DLG2: variants seen among roughly 807,000 people sequenced by gnomAD.
DLG2 encodes the protein discs large MAGUK scaffold protein 2.
In DLG2, 45 loss-of-function variants were observed where a neutral mutation model predicts 132.5. That is an observed-to-expected ratio of 0.34 (90% confidence interval 0.27 to 0.44). The LOEUF (loss-of-function observed/expected upper bound fraction) is 0.44, where lower values mean the gene tolerates loss of function less well. Among genes scored for constraint, DLG2 ranks in the 20% least tolerant of loss-of-function variants. The probability of loss-of-function intolerance (pLI) is 1.00; values close to 1 mark genes in which losing one functional copy is unlikely to be tolerated. For synonymous variants in DLG2, 424 were observed against 419.6 expected, an observed-to-expected ratio of 1.01 and a Z score of -0.13; for missense variants, 1,045 against 1,196.9, an observed-to-expected ratio of 0.87 and a Z score of 1.87.
intron 3 of DLG2, among the ~76,000 whole-genome samples, chr11:85,353,022 A>G (rs566740221): frequency 3.3e-5 from 5 of 152,358 alleles, no homozygotes; most frequent in Non-Finnish European, 1.5e-5. Flanking sequence ...CTGCACAGCA[A>G]AAGAAGCTAC....
At chr11:83,540,095 G>A (rs1012055162) in intron 20 of DLG2, among the ~76,000 whole-genome samples, 3 of 152,046 alleles carry the variant, frequency 2.0e-5, no homozygotes, top group Admixed American at 1.3e-4. Context: ...ATCTATTTCC[G>A]CATAGCTTTC....
intron 6 of DLG2, among the ~76,000 whole-genome samples, chr11:84,731,999 T>C (rs2063212508): frequency 1.3e-5 from 2 of 152,026 alleles, no homozygotes; most frequent in African/African-American, 4.8e-5. Context: ...AAGATTTATT[T>C]GCATTTTCAA....
At chr11:84,550,444 G>GA (rs915351879) in intron 6 of DLG2, among the ~76,000 whole-genome samples, 7 of 151,412 alleles carry the variant, frequency 4.6e-5, no homozygotes, top group South Asian at 2.1e-4. Context: ...AGCAGGCAGA[G>GA]AAAAAAAAAG....
At chr11:85,144,040 A>G (rs1375599566) in intron 5 of DLG2, among the ~76,000 whole-genome samples, 2 of 151,886 alleles carry the variant, frequency 1.3e-5, no homozygotes, top group Non-Finnish European at 2.9e-5. Flanking sequence ...CTCTCCAGCT[A>G]GTATTGTATT....
At chr11:84,996,557 T>C (rs2057669189) in intron 6 of DLG2, among the ~76,000 whole-genome samples, 1 of 152,170 alleles carries the variant, frequency 6.6e-6, no homozygotes, top group Admixed American at 6.6e-5. Flanking sequence ...AGAGACTGTA[T>C]TTTTTTGCTA....
intron 6 of DLG2, among the ~76,000 whole-genome samples, chr11:84,777,917 G>A (rs1045775005): frequency 3.9e-5 from 6 of 152,156 alleles, no homozygotes; most frequent in Non-Finnish European, 8.8e-5. Flanking sequence ...TGTTCACTCT[G>A]TCAATTATTT....
At chr11:85,005,736 T>A (rs990734964) in intron 6 of DLG2, among the ~76,000 whole-genome samples, 1 of 152,198 alleles carries the variant, frequency 6.6e-6, no homozygotes, top group Non-Finnish European at 1.5e-5. Context: ...CTTGCCTGAT[T>A]GCCCTGGCCA....
intron 6 of DLG2, among the ~76,000 whole-genome samples, chr11:84,593,218 A>G (rs1286530821): frequency 6.6e-6 from 1 of 152,128 alleles, no homozygotes; most frequent in Non-Finnish European, 1.5e-5. Flanking sequence ...TAGTTCAAAC[A>G]TTGTGGAAGA....
At chr11:84,425,064 T>C (rs1003609409) in intron 7 of DLG2, among the ~76,000 whole-genome samples, 1 of 152,122 alleles carries the variant, frequency 6.6e-6, no homozygotes, top group South Asian at 2.1e-4. Context: ...ATAGGGACCA[T>C]AGCTGGATCA....
At chr11:84,672,736 T>C (rs573626112) in intron 6 of DLG2, among the ~76,000 whole-genome samples, 2 of 152,258 alleles carry the variant, frequency 1.3e-5, no homozygotes, top group South Asian at 4.1e-4. Context: ...GTTAAAGTTT[T>C]AGCAGCTCTC....
chr11:84,388,036 C>T (rs189067724), intron 7 of DLG2, among the ~76,000 whole-genome samples: 201 of 152,300 alleles, frequency 1.3e-3, no homozygotes, highest in African/African-American at 4.6e-3. Flanking sequence ...AATGCTCCCC[C>T]TTTTCTATCA....
intron 4 of DLG2, among the ~76,000 whole-genome samples, chr11:85,214,882 T>A (rs900864288): frequency 5.3e-5 from 8 of 152,214 alleles, no homozygotes; most frequent in African/African-American, 1.9e-4. Context: ...CTCTGAATGA[T>A]AAATCTTTTA....
At chr11:84,589,197 G>C (rs1176573036) in intron 6 of DLG2, among the ~76,000 whole-genome samples, 2 of 152,160 alleles carry the variant, frequency 1.3e-5, no homozygotes, top group Non-Finnish European at 2.9e-5. Context: ...GAGGCTGCAG[G>C]AGCTTGAGAT....
rs373559885 is a variant in DLG2 at position 84,334,617 on chromosome 11, CA to C, written c.520-83327del. On this transcript the variant is annotated intron_variant, in intron 7 of 27. Coordinates refer to ENST00000376104, the MANE Select transcript of DLG2 (RefSeq NM_001142699.3). ...AACAATTTGGGTGTATTCATTTGTT[CA>C]ACAAATATTAATTGCATACCTACTA... 8.7e-4 allele frequency among the ~76,000 whole-genome samples: 133 copies of C among 152,256 alleles called. 2 individuals are homozygous for C. Among genetic ancestry groups the C allele is most frequent in the African/African-American group, 2.7e-3 (114 of 41,558 alleles).
chr11:83,769,462 C>T (rs1450788953), intron 18 of DLG2, among the ~76,000 whole-genome samples: 4 of 151,948 alleles, frequency 2.6e-5, no homozygotes, highest in Non-Finnish European at 5.9e-5. Context: ...AAGGCAACAA[C>T]ACAAGATGCT....
At chr11:84,200,596 ATTTG>A (rs2096579325) in intron 8 of DLG2, among the ~76,000 whole-genome samples, 1 of 152,034 alleles carries the variant, frequency 6.6e-6, no homozygotes, top group African/African-American at 2.4e-5. Context: ...TGTTTTTTCC[ATTTG>A]TTTGTGTACT....
At chr11:84,453,839 A>G (rs2099058129) in intron 7 of DLG2, among the ~76,000 whole-genome samples, 1 of 151,628 alleles carries the variant, frequency 6.6e-6, no homozygotes, top group South Asian at 2.1e-4. Context: ...TGCCTATCAT[A>G]TGGTCTCTGT....
At chr11:85,591,704 T>G (rs1421612878) in intron 3 of DLG2, among the ~76,000 whole-genome samples, 6 of 152,182 alleles carry the variant, frequency 3.9e-5, no homozygotes, top group Non-Finnish European at 5.9e-5. Flanking sequence ...ATCAAGCCAC[T>G]GCACTCCAGC....
intron 6 of DLG2, among the ~76,000 whole-genome samples, chr11:84,575,719 A>G (rs936768301): frequency 6.6e-6 from 1 of 152,188 alleles, no homozygotes; most frequent in Non-Finnish European, 1.5e-5. Context: ...TTTAAAATGT[A>G]TAATTATTAT....
Sources: gnomAD v4.1 joint callset for allele counts (sites outside exome capture counted in the v4.1 genomes callset) on GRCh38, gnomAD v4.1.1 for gene constraint, MANE v1.5 for transcripts, NCBI Gene and HGNC (gene_info 2026-07-23, HGNC 2026-07-21) for gene names.